Variants in ABCB9 observed in about 807,000 individuals in gnomAD.
The protein encoded by ABCB9 is ATP binding cassette subfamily B member 9.
A neutral mutation model predicts 62.0 loss-of-function variants in ABCB9; 36 were observed. The observed-to-expected ratio is 0.58, with a 90% CI of 0.45 to 0.77. The LOEUF (loss-of-function observed/expected upper bound fraction) is 0.77, where lower values mean the gene tolerates loss of function less well. Ranked by LOEUF, ABCB9 falls within the 30% of genes least tolerant of loss-of-function variation. The probability of loss-of-function intolerance (pLI) is 0.00; values close to 1 mark genes in which losing one functional copy is unlikely to be tolerated. For synonymous variants in ABCB9, 435 were observed against 461.4 expected (o/e 0.94, Z 0.73); for missense variants, 943 against 1,054.7 (o/e 0.89, Z 1.47).
chr12:122,960,162 T>G lies in ABCB9; in HGVS notation c.74A>C (p.Tyr25Ser), dbSNP rs550385015. The change falls in exon 2 of 12, where the codon TAT (tyrosine) becomes TCT (serine). Residue 25 changes from tyrosine (Y) to serine (S), a missense_variant. Coordinates refer to ENST00000280560, the MANE Select transcript of ABCB9 (RefSeq NM_019625.4). ...SVDICVTTAI[Y>S]VFSHLDRSLL... The stretch of plus-strand genomic sequence containing the variant: ...GCTGCGGTCCAGGTGGCTGAAGACA[T>G]AGATGGCCGTGGTCACGCAGATGTC... The G allele has an allele frequency of 1.9e-6, 3 of 1,613,592 alleles. No homozygotes were observed. Among genetic ancestry groups the G allele is most frequent in the East Asian group, 4.5e-5 (2 of 44,872 alleles).
chr12:122,950,427 G>T (rs2036299228), intron 3 of ABCB9, 24 bp downstream of exon 3: 1 of 1,594,878 alleles, frequency 6.3e-7, no homozygotes, highest in Admixed American at 1.7e-5. Context: ...GTGCGGGGCA[G>T]GGCGTGGGGG....
intron 7 of ABCB9, 93 bp from the exon 8 acceptor site, chr12:122,941,088 AAGG>A: frequency 1.4e-6 from 2 of 1,397,412 alleles, no homozygotes; most frequent in Non-Finnish European, 1.9e-6. Context: ...TAGGGAAAGC[AAGG>A]AGTTCTGGCG....
chr12:122,948,587 G>A, intron 5 of ABCB9, 37 bp downstream of exon 5: 2 of 1,552,608 alleles, frequency 1.3e-6, no homozygotes, highest in East Asian at 2.4e-5. Context: ...GGGGCTGCCA[G>A]GGTGCACAGT....
At chr12:122,949,758 C>A in intron 4 of ABCB9, 30 bp downstream of exon 4, 3 of 1,612,706 alleles carry the variant, frequency 1.9e-6, no homozygotes, top group Non-Finnish European at 2.5e-6. Flanking sequence ...GCCCAGCCCC[C>A]AGGACACCTA....
At position 122,944,790 on chromosome 12, in the gene ABCB9, AC is replaced by A; in HGVS notation, c.1252-272del. ...TGTGAGGTCCTGGCACACACATGCC[AC>A]CCCCAGGCTCCTCAGCTTGGCCACC... On this transcript the variant is annotated intron_variant, in intron 6 of 11. Transcript: ENST00000280560. This position sits in a 1 kb window ranked among gnomAD's most constrained non-coding sequence, Gnocchi z 4.9. The A allele has an allele frequency of 2.9e-6, 1 of 346,188 alleles. No individual in the cohort carries two copies. The highest frequency in any genetic ancestry group is 5.5e-6 in the Non-Finnish European group (1 of 182,332). The allele number at this position is 346,188 out of a possible 1,614,324, so 21.4% of individuals were successfully genotyped here.
chr12:122,939,885 C>T (rs147250937), intron 9 of ABCB9: 288 of 579,916 alleles, frequency 5.0e-4, no homozygotes, highest in African/African-American at 4.7e-3. Flanking sequence ...AGGCTGGCCT[C>T]AAGGGATCCT....
rs367849441 is a variant in ABCB9, at chr12:122,944,615, G to A, written c.1252-96C>T. Reference sequence around the variant, plus strand: ...ATCCCAGGCTGCAGGGGGAGGTGAGGGCAGACCCAGCCACAAACTGAAATG... The same window carrying A: ...ATCCCAGGCTGCAGGGGGAGGTGAGAGCAGACCCAGCCACAAACTGAAATG... On this transcript the variant is annotated intron_variant, in intron 6 of 11. Coordinates refer to ENST00000280560, the MANE Select transcript of ABCB9 (RefSeq NM_019625.4). This position sits in a 1 kb window ranked among gnomAD's most constrained non-coding sequence, Gnocchi z 4.9. 2.3e-4 allele frequency: 351 copies of A among 1,518,548 alleles called. 5 individuals are homozygous for A. The East Asian group carries it at 5.0e-3, about 22-fold the overall frequency. The allele number at this position is 1,518,548 out of a possible 1,614,324, so 94.1% of individuals were successfully genotyped here.
In ABCB9 at chr12:122,973,578, G is replaced by GA. The variant is rs57853191; in HGVS notation, c.-88+1136dup. ...AGAGCGAGACTCCGTCTCAAAAAAA[G>GA]AAAAAAAAAAAAAAAAAAAAAAAAA... is the stretch of plus-strand genomic sequence containing the variant. On this transcript the variant is annotated intron_variant, in intron 1 of 11. Transcript: ENST00000392439. 6.0e-3 allele frequency among the ~76,000 whole-genome samples: 300 copies of GA among 50,316 alleles called. 36 individuals carry two copies. Among genetic ancestry groups the GA allele is most frequent in the Admixed American group, 8.4e-3 (26 of 3,112 alleles). 33.0% of individuals were successfully genotyped at this position (50,316 alleles called of 152,430 possible).
chr12:122,935,390 G>A lies in ABCB9; in HGVS notation c.1785C>T (p.Ser595=). ...VSQEPVLFAR[S]ITDNISYGLP... ...GGCCGTAGGAGATGTTATCCGTGAT[G>A]GAGCGGGCGAACAGCACGGGCTCCT... The change falls in exon 10 of 12, where the codon TCC becomes TCT. Residue 595 remains serine (S), a synonymous_variant. Transcript: ENST00000280560. 1.2e-6 allele frequency: 2 copies of A among 1,614,074 alleles called. No homozygotes were observed. Among genetic ancestry groups the A allele is most frequent in the Non-Finnish European group, 1.7e-6 (2 of 1,179,992 alleles).
At chr12:122,949,374 G>GTATCATTAAAAA in intron 4 of ABCB9, 1 of 190,518 alleles carries the variant, frequency 5.2e-6, no homozygotes, top group South Asian at 1.1e-4. Flanking sequence ...GACCCAGGCC[G>GTATCATTAAAAA]GTGTCTCTCA....
chr12:122,952,244 C>G (rs749782712), intron 2 of ABCB9: 18 of 152,280 alleles, frequency 1.2e-4, no homozygotes, highest in Non-Finnish European at 2.6e-4. Flanking sequence ...GAGACTCCCC[C>G]GACAATAATC....
At position 122,929,103 on chromosome 12, in the gene ABCB9, A is replaced by G. The variant is rs2035000144; in HGVS notation, c.*808T>C. ...CCATCCCATCCACCAAAGACAGAAG[A>G]GAATGCATCTCATGAACATCCACGT... is the stretch of plus-strand genomic sequence containing the variant. On this transcript the variant is annotated 3_prime_UTR_variant, in exon 12 of 12. Coordinates refer to ENST00000280560, the MANE Select transcript of ABCB9 (RefSeq NM_019625.4). The surrounding 1 kb of genome is among the most constrained non-coding windows in gnomAD (Gnocchi z 6.0). 1 of 985,080 alleles carries G rather than the reference A, an allele frequency of 1.0e-6. No individual in the cohort carries two copies. Among genetic ancestry groups the G allele is most frequent in the Admixed American group, 6.2e-5 (1 of 16,236 alleles). The allele number at this position is 985,080 out of a possible 1,614,324, so 61.0% of individuals were successfully genotyped here.
At position 122,930,412 on chromosome 12, in the gene ABCB9, C is replaced by CTT. The variant is rs397954994; in HGVS notation, c.2041-243_2041-242dup. Among the ~76,000 whole-genome samples the CTT allele has an allele frequency of 8.8e-5, 12 of 136,636 alleles. No individual in the cohort carries two copies. Among genetic ancestry groups the CTT allele is most frequent in the African/African-American group, 2.0e-4 (7 of 35,752 alleles). The allele number at this position is 136,636 out of a possible 152,430, so 89.6% of individuals were successfully genotyped here. On this transcript the variant is annotated intron_variant, in intron 11 of 11. Transcript: ENST00000280560. This position sits in a 1 kb window ranked among gnomAD's most constrained non-coding sequence, Gnocchi z 4.9. Reference sequence around the variant, plus strand: ...TCTTCTGGTCCTTCCCTTCCCCCTCCTTTTTTTTTTTTTTTTTTTTTAAGT... The same window carrying CTT: ...TCTTCTGGTCCTTCCCTTCCCCCTCCTTTTTTTTTTTTTTTTTTTTTTTAAGT...
intron 7 of ABCB9, among the ~76,000 whole-genome samples, chr12:122,941,524 G>C (rs907063029): frequency 9.2e-5 from 14 of 151,944 alleles, no homozygotes; most frequent in African/African-American, 2.9e-4. Context: ...GGCCAGGCTG[G>C]TCTCAAACTC....
chr12:122,945,083 C>T (rs2035963781), intron 6 of ABCB9, among the ~76,000 whole-genome samples: 1 of 152,210 alleles, frequency 6.6e-6, no homozygotes, highest in South Asian at 2.1e-4. Context: ...GCTGTCTGGA[C>T]CACCGTGCCT....
At position 122,940,761 on chromosome 12, in the gene ABCB9, G is replaced by C; in HGVS notation, c.1569+46C>G. The stretch of plus-strand genomic sequence containing the variant: ...TGTATAGGAGGTGCACCAGAAATGG[G>C]GTGACGGAAAGGCTGATTCTGGCAG... On this transcript the variant is annotated intron_variant, in intron 8 of 11. Transcript: ENST00000280560. This position sits in a 1 kb window ranked among gnomAD's most constrained non-coding sequence, Gnocchi z 4.8. The C allele has an allele frequency of 6.6e-7, 1 of 1,514,090 alleles. No homozygotes were observed. Among genetic ancestry groups the C allele is most frequent in the Non-Finnish European group, 8.9e-7 (1 of 1,122,254 alleles). 93.8% of individuals were successfully genotyped at this position (1,514,090 alleles called of 1,614,324 possible). A position where few individuals can be genotyped will look rare whatever the true frequency, so the allele number is the denominator to read the frequency against.
chr12:122,920,659 C>G (rs904618853), downstream of ABCB9, among the ~76,000 whole-genome samples: 32 of 152,056 alleles, frequency 2.1e-4, no homozygotes, highest in African/African-American at 6.8e-4. Context: ...AATCCCAGTA[C>G]TTTGGGAGGC....
Position 122,950,526 on chromosome 12 carries a change from T to A in ABCB9, c.641A>T (p.Asp214Val). The change falls in exon 3 of 12, where the codon GAT (aspartate) becomes GTT (valine). Residue 214 changes from aspartate to valine, a missense_variant. By Grantham distance (152) the Asp-to-Val change is radical. Coordinates refer to ENST00000280560, the MANE Select transcript of ABCB9 (RefSeq NM_019625.4). ...FLPYYTGRAI[D>V]GIVIQKSMDQ... is the part of the protein sequence containing the mutation. The stretch of plus-strand genomic sequence containing the variant: ...CATGCTTTTCTGGATGACGATGCCA[T>A]CAATGGCGCGGCCCGTGTAGTAGGG... 6.2e-7 allele frequency: 1 copy of A among 1,613,302 alleles called. No individual in the cohort carries two copies. The highest frequency in any genetic ancestry group is 8.5e-7 in the Non-Finnish European group (1 of 1,179,988).
At chr12:122,973,727 G>A (rs2037326271) in intron 1 of ABCB9, among the ~76,000 whole-genome samples, 1 of 151,930 alleles carries the variant, frequency 6.6e-6, no homozygotes. Flanking sequence ...CGGGTGTGGT[G>A]GCGGGCGCCT....
Sources: gnomAD v4.1 joint callset for allele counts (sites outside exome capture counted in the v4.1 genomes callset) on GRCh38, gnomAD v4.1.1 for gene constraint, Gnocchi (gnomAD v3.1) non-coding constraint, MANE v1.5 for transcripts, NCBI Gene and HGNC (gene_info 2026-07-23, HGNC 2026-07-21) for gene names.